The following C16orf89 variants were observed in gnomAD, a reference collection of about 807,000 sequenced individuals.
C16orf89 encodes the protein chromosome 16 open reading frame 89.
A neutral mutation model predicts 41.5 loss-of-function variants in C16orf89; 57 were observed. That is an observed-to-expected ratio of 1.38 (90% confidence interval 1.11 to 1.71). C16orf89 has a LOEUF of 1.71. Among genes scored for constraint, C16orf89 ranks in the 40% most tolerant of loss-of-function variants. The pLI is 0.00. For missense variants in C16orf89, 575 were observed against 445.9 expected, an observed-to-expected ratio of 1.29 and a Z score of -2.61; for synonymous variants, 223 against 190.6, an observed-to-expected ratio of 1.17 and a Z score of -1.40.
chr16:5,064,104 G>A (rs1037703561), intron 1 of C16orf89, among the ~76,000 whole-genome samples: 1 of 151,962 alleles, frequency 6.6e-6, no homozygotes, highest in Admixed American at 6.6e-5. Context: ...CAGCCTGGGC[G>A]ACAGAGCGAG....
intron 6 of C16orf89, among the ~76,000 whole-genome samples, chr16:5,054,302 G>C (rs1956449622): frequency 6.6e-6 from 1 of 152,124 alleles, no homozygotes; most frequent in Non-Finnish European, 1.5e-5. Context: ...TTGAGGCTGA[G>C]AGGGGTGAAG....
chr16:5,065,587 C>T, intron 1 of C16orf89, 114 bp downstream of exon 1: 1 of 1,234,660 alleles, frequency 8.1e-7, no homozygotes, highest in Non-Finnish European at 1.1e-6. Context: ...ATAGCCGAGG[C>T]AGGCTATACT....
intron 6 of C16orf89, among the ~76,000 whole-genome samples, chr16:5,052,044 A>C (rs1165321728): frequency 6.9e-6 from 1 of 145,676 alleles, no homozygotes; most frequent in Admixed American, 7.0e-5. Flanking sequence ...TGGAGGTTGC[A>C]GTGAGCAAGA....
chr16:5,048,102 A>C, intron 6 of C16orf89, 138 bp from the exon 7 acceptor site: 1 of 606,906 alleles, frequency 1.6e-6, no homozygotes, highest in Non-Finnish European at 2.9e-6. Flanking sequence ...ATCATAGCTC[A>C]CCACAACCTC....
intron 3 of C16orf89, among the ~76,000 whole-genome samples, chr16:5,058,994 C>T (rs1188277396): frequency 6.6e-6 from 1 of 152,112 alleles, no homozygotes; most frequent in Non-Finnish European, 1.5e-5. Flanking sequence ...AATTCTAGCA[C>T]TTTGGGAGGC....
At chr16:5,056,354 T>G (rs1023847514) in intron 4 of C16orf89, among the ~76,000 whole-genome samples, 166 bp from the exon 5 acceptor site, 5 of 152,136 alleles carry the variant, frequency 3.3e-5, no homozygotes, top group Non-Finnish European at 5.9e-5. Context: ...TTCTTCCCCA[T>G]GCACACCCCC....
At chr16:5,060,645 G>C (rs1021410592) in intron 2 of C16orf89, among the ~76,000 whole-genome samples, 7 of 152,088 alleles carry the variant, frequency 4.6e-5, no homozygotes, top group Non-Finnish European at 8.8e-5. Context: ...TAATCAATAG[G>C]AACAGTGATG....
rs142106605 is a variant in C16orf89, at chr16:5,044,334, T to C, written c.*14A>G. The C allele has an allele frequency of 8.2e-3, 12,978 of 1,589,468 alleles. 78 individuals are homozygous for C. The highest frequency in any genetic ancestry group is 9.1e-3 in the Non-Finnish European group (10,656 of 1,169,128). On this transcript the variant is annotated 3_prime_UTR_variant, in exon 8 of 8. Transcript: ENST00000472572. ...CTGTTCCTCCTCCAGGCAGCTGGCATGGAACCGTCCGTCTCAGCGGCTGCT... is the reference window on the plus strand; with the variant it reads ...CTGTTCCTCCTCCAGGCAGCTGGCACGGAACCGTCCGTCTCAGCGGCTGCT...
At position 5,044,939 on chromosome 16, in the gene C16orf89, C is replaced by T. The variant is rs1194022339; in HGVS notation, c.956-461G>A. 1.3e-5 allele frequency: 16 copies of T among 1,213,370 alleles called. No homozygotes were observed. In the South Asian group the frequency reaches 1.7e-4, roughly 13 times the overall value. The allele number at this position is 1,213,370 out of a possible 1,614,324, so 75.2% of individuals were successfully genotyped here. A position where few individuals can be genotyped will look rare whatever the true frequency, so the allele number is the denominator to read the frequency against. On this transcript the variant is annotated intron_variant, in intron 7 of 7. Coordinates refer to ENST00000472572, the MANE Select transcript of C16orf89 (RefSeq NM_001098514.3). ...CTCCCTTAGGCCCCTTTTGCTGGGC[C>T]GGGTGCTCTTCCGCCAGCTGCTAAG... is the stretch of plus-strand genomic sequence containing the variant.
intron 6 of C16orf89, among the ~76,000 whole-genome samples, chr16:5,051,085 C>G (rs376269125): frequency 5.9e-5 from 9 of 152,308 alleles, no homozygotes; most frequent in African/African-American, 2.2e-4. Flanking sequence ...GACAGACCCA[C>G]AGCCAACATT....
chr16:5,049,845 G>A (rs758353616), intron 6 of C16orf89, among the ~76,000 whole-genome samples: 3 of 151,966 alleles, frequency 2.0e-5, no homozygotes, highest in Non-Finnish European at 4.4e-5. Flanking sequence ...GAAAGAAATT[G>A]TAAAGATCAG....
intron 4 of C16orf89, 135 bp from the exon 5 acceptor site, chr16:5,056,323 T>G (rs1041990133): frequency 3.8e-5 from 28 of 738,112 alleles, no homozygotes; most frequent in Non-Finnish European, 5.6e-5. Flanking sequence ...AGGGCAGGTC[T>G]TTTTCTCCTT....
In C16orf89 at chr16:5,058,525, G is replaced by A. The variant is rs1335469074; in HGVS notation, c.595C>T (p.His199Tyr). Reference sequence around the variant, plus strand: ...GCCCAGAGGAAGAAGAGCAGTTGGTGGGACAGGCAGTAGCCTGAGCAGCCG... The same window carrying A: ...GCCCAGAGGAAGAAGAGCAGTTGGTAGGACAGGCAGTAGCCTGAGCAGCCG... The part of the protein sequence containing the change: ...KPGCSGYCLS[H>Y]QLLFFLWARM... The change falls in exon 4 of 8, where the codon CAC (histidine) becomes TAC (tyrosine). Residue 199 changes from histidine (H) to tyrosine (Y), a missense_variant. Coordinates refer to ENST00000472572, the MANE Select transcript of C16orf89 (RefSeq NM_001098514.3). The A allele has an allele frequency of 6.2e-7, 1 of 1,612,014 alleles. No individual in the cohort carries two copies. Among genetic ancestry groups the A allele is most frequent in the East Asian group, 2.2e-5 (1 of 44,560 alleles).
intron 6 of C16orf89, among the ~76,000 whole-genome samples, chr16:5,052,603 GAAAAA>G (rs35043310): frequency 7.0e-6 from 1 of 142,492 alleles, no homozygotes; most frequent in African/African-American, 2.5e-5. Flanking sequence ...AAGAAAGAAA[GAAAAA>G]AAAAAAAGAC....
intron 7 of C16orf89, 153 bp from the exon 8 acceptor site, chr16:5,044,631 C>T: frequency 1.4e-6 from 2 of 1,415,354 alleles, no homozygotes; most frequent in Non-Finnish European, 1.9e-6. Context: ...CTCTTGAGAT[C>T]AGGAGTTCGA....
intron 6 of C16orf89, 144 bp from the exon 7 acceptor site, chr16:5,048,108 A>G (rs8055316): frequency 0.67 from 397,398 of 596,888 alleles, 133,602 homozygotes; most frequent in East Asian, 0.79. Context: ...GCTCACCACA[A>G]CCTCGAACTC....
Position 5,056,104 on chromosome 16 carries a change from C to T in C16orf89, c.712G>A (p.Ala238Thr). Reference sequence around the variant, plus strand: ...GGGTAGGCGTATCCGATGGCCTCAGCTCTGCGGTTCAAGTCCATCATGTTG... The same window carrying T: ...GGGTAGGCGTATCCGATGGCCTCAGTTCTGCGGTTCAAGTCCATCATGTTG... ...CANMMDLNRR[A>T]EAIGYAYPTR... Residue 238 changes from alanine to threonine, a missense_variant, in exon 5 of 8, where the codon GCT becomes ACT. Physicochemically the swap from Ala to Thr is moderately conservative, Grantham distance 58. Transcript: ENST00000472572. The T allele has an allele frequency of 6.2e-7, 1 of 1,600,266 alleles. No individual in the cohort carries two copies. The highest frequency in any genetic ancestry group is 2.3e-5 in the East Asian group (1 of 44,352).
In C16orf89 at chr16:5,051,248, G is replaced by A. The variant is rs183067793; in HGVS notation, c.869-3284C>T. ...AAAAAAGGGCATCCAAATGAAAAAG[G>A]AGGAAGTCAAATTGTACCTGTTTGC... On this transcript the variant is annotated intron_variant, in intron 6 of 7. Transcript: ENST00000472572. 3.0e-4 allele frequency among the ~76,000 whole-genome samples: 46 copies of A among 152,254 alleles called. 1 individual carries two copies. Among genetic ancestry groups the A allele is most frequent in the African/African-American group, 1.1e-3 (44 of 41,550 alleles).
At chr16:5,047,599 C>T (rs538667300) in intron 7 of C16orf89, among the ~76,000 whole-genome samples, 1 of 151,978 alleles carries the variant, frequency 6.6e-6, no homozygotes. Flanking sequence ...TCCCGAGTAA[C>T]TGGGACTACA....
Sources: allele counts gnomAD v4.1 joint callset (sites outside exome capture counted in the v4.1 genomes callset), GRCh38; gene constraint gnomAD v4.1.1; transcripts MANE v1.5; gene names NCBI Gene and HGNC (gene_info 2026-07-23, HGNC 2026-07-21).